The following PTCHD4 variants were observed in gnomAD, a reference collection of about 807,000 sequenced individuals.
PTCHD4 encodes the protein patched domain-containing protein 4.
PTCHD4 carries 33 observed loss-of-function variants against 58.1 expected under a neutral mutation model. That is an observed-to-expected ratio of 0.57 (90% CI 0.43 to 0.76). PTCHD4 has a LOEUF of 0.76. Ranked by LOEUF, PTCHD4 falls within the 30% of genes least tolerant of loss-of-function variation. The pLI is 0.00. For synonymous variants in PTCHD4, 478 were observed against 409.6 expected, an observed-to-expected ratio of 1.17 and a Z score of -2.02; for missense variants, 1,058 against 1,027.1, an observed-to-expected ratio of 1.03 and a Z score of -0.41.
intron 4 of PTCHD4, among the ~76,000 whole-genome samples, chr6:47,939,058 G>A (rs918708980): frequency 2.0e-5 from 3 of 152,154 alleles, no homozygotes; most frequent in Non-Finnish European, 4.4e-5. Flanking sequence ...GAAGGCATAG[G>A]TTATGGCTGT....
At chr6:47,937,845 T>G (rs527453001) in intron 4 of PTCHD4, among the ~76,000 whole-genome samples, 1 of 152,178 alleles carries the variant, frequency 6.6e-6, no homozygotes, top group South Asian at 2.1e-4. Context: ...GAAGGAGACT[T>G]GATAGGCAAG....
chr6:48,020,157 A>G (rs1241655249), intron 3 of PTCHD4, among the ~76,000 whole-genome samples: 3 of 152,140 alleles, frequency 2.0e-5, no homozygotes, highest in Non-Finnish European at 4.4e-5. Context: ...AACTCCAGGT[A>G]TGCCTTGGGG....
At chr6:47,936,433 T>C (rs1034631120) in intron 4 of PTCHD4, among the ~76,000 whole-genome samples, 1 of 152,212 alleles carries the variant, frequency 6.6e-6, no homozygotes, top group African/African-American at 2.4e-5. Context: ...TTCAAAAACA[T>C]TTCCTCAAAC....
At chr6:48,039,343 G>T (rs1455616311) in intron 3 of PTCHD4, among the ~76,000 whole-genome samples, 1 of 152,038 alleles carries the variant, frequency 6.6e-6, no homozygotes, top group African/African-American at 2.4e-5. Flanking sequence ...GGAAAAACAG[G>T]ATCATCTTAT....
chr6:48,050,591 A>C (rs1764197160), intron 3 of PTCHD4, among the ~76,000 whole-genome samples: 2 of 152,018 alleles, frequency 1.3e-5, no homozygotes, highest in African/African-American at 4.8e-5. Context: ...TAGTGCTCTA[A>C]GGGCTGTTGG....
chr6:47,879,446 A>C lies in PTCHD4; in HGVS notation c.1389T>G (p.Phe463Leu). The change falls in exon 5 of 5, where the codon TTT (phenylalanine) becomes TTG (leucine). Residue 463 changes from phenylalanine to leucine, a missense_variant. By Grantham distance (22) the Phe-to-Leu change is conservative (BLOSUM62 0). Transcript: ENST00000339488. ...CATAAATGAGATAGAGGATGACAAC[A>C]AATGGCTTCACATATATATTGGTAA... is the stretch of plus-strand genomic sequence containing the variant. ...EWITNIYVKP[F>L]VVILYLIYAS... 6.2e-7 allele frequency: 1 copy of C among 1,613,696 alleles called. No individual in the cohort carries two copies. Among genetic ancestry groups the C allele is most frequent in the Non-Finnish European group, 8.5e-7 (1 of 1,179,748 alleles).
intron 4 of PTCHD4, among the ~76,000 whole-genome samples, chr6:47,952,796 CG>C (rs1038907435): frequency 9.2e-5 from 14 of 151,962 alleles, no homozygotes; most frequent in Admixed American, 6.6e-4. Flanking sequence ...GTGCACTGTA[CG>C]GTGTTTGCAC....
chr6:48,068,529 C>A lies in PTCHD4; in HGVS notation c.118G>T (p.Val40Phe). Residue 40 changes from valine (V) to phenylalanine (F), a missense_variant, in exon 3 of 5, where the codon GTC becomes TTC. Physicochemically the swap from Val to Phe is conservative, Grantham distance 50. Coordinates refer to ENST00000339488, the MANE Select transcript of PTCHD4 (RefSeq NM_001384253.1). The surrounding 1 kb of genome is among the most constrained non-coding windows in gnomAD (Gnocchi z 4.2). ...RLGLCVSRHP[V>F]FFLTVPAVLT... ...ACTGCGGGCACGGTGAGGAAAAAGACCGGGTGCCGGCTCACGCACAAACCC... is the reference window on the plus strand; with the variant it reads ...ACTGCGGGCACGGTGAGGAAAAAGAACGGGTGCCGGCTCACGCACAAACCC... 6.2e-7 allele frequency: 1 copy of A among 1,611,096 alleles called. No homozygotes were observed. Among genetic ancestry groups the A allele is most frequent in the Non-Finnish European group, 8.5e-7 (1 of 1,179,566 alleles).
chr6:48,027,902 T>C (rs947661483), intron 3 of PTCHD4, among the ~76,000 whole-genome samples: 2 of 152,082 alleles, frequency 1.3e-5, no homozygotes, highest in African/African-American at 2.4e-5. Context: ...GTAACGTATA[T>C]AAAAAGCAGG....
chr6:48,021,771 T>C (rs929949638), intron 3 of PTCHD4, among the ~76,000 whole-genome samples: 6 of 152,192 alleles, frequency 3.9e-5, no homozygotes, highest in African/African-American at 1.4e-4. Context: ...TGCTTTGCTG[T>C]CTAAGGTTAT....
intron 3 of PTCHD4, among the ~76,000 whole-genome samples, chr6:48,019,831 T>G (rs1245632724): frequency 1.3e-5 from 2 of 152,164 alleles, no homozygotes; most frequent in African/African-American, 4.8e-5. Context: ...TAGTGGGTAC[T>G]AAGGAGGCTT....
Position 47,871,206 on chromosome 6 carries a change from G to A in PTCHD4, c.*7097C>T, listed in dbSNP as rs1415191367. ...TCTTTTCACTGATGCTAATGTTTCCGTAAGTGACTTGTGTTTTAAAAACCC... is the reference window on the plus strand; with the variant it reads ...TCTTTTCACTGATGCTAATGTTTCCATAAGTGACTTGTGTTTTAAAAACCC... On this transcript the variant is annotated 3_prime_UTR_variant, in exon 5 of 5. Coordinates refer to ENST00000339488, the MANE Select transcript of PTCHD4 (RefSeq NM_001384253.1). Among the ~76,000 whole-genome samples the A allele has an allele frequency of 1.3e-5, 2 of 151,442 alleles. No individual in the cohort carries two copies.
chr6:47,894,611 T>C (rs1296725746), intron 4 of PTCHD4, among the ~76,000 whole-genome samples: 2 of 152,272 alleles, frequency 1.3e-5, no homozygotes, highest in Admixed American at 6.5e-5. Flanking sequence ...GCCATCATTT[T>C]TATTTATGGA....
rs1259300629 is a variant in PTCHD4, at chr6:48,069,208, T to C, written c.-251A>G. On this transcript the variant is annotated 5_prime_UTR_variant, in exon 2 of 5. Transcript: ENST00000339488. ...AGCACGTTGGGGGTGGGGGGGCAGA[T>C]AAGCTTTTTTCTTTTTTTAAGATGC... 7.0e-6 allele frequency among the ~76,000 whole-genome samples: 1 copy of C among 143,128 alleles called. No homozygotes were observed. Among genetic ancestry groups the C allele is most frequent in the East Asian group, 2.1e-4 (1 of 4,824 alleles). The allele number at this position is 143,128 out of a possible 152,430, so 93.9% of individuals were successfully genotyped here.
At chr6:48,075,057 C>T (rs1030959435) in intron 1 of PTCHD4, among the ~76,000 whole-genome samples, 1 of 152,022 alleles carries the variant, frequency 6.6e-6, no homozygotes, top group Non-Finnish European at 1.5e-5. Flanking sequence ...TTCACTATAT[C>T]TTTGAGATGA....
intron 4 of PTCHD4, among the ~76,000 whole-genome samples, chr6:47,897,842 T>C (rs1764569721): frequency 6.6e-6 from 1 of 152,064 alleles, no homozygotes; most frequent in Admixed American, 6.5e-5. Flanking sequence ...TGAGAGTACA[T>C]CTCTAACTTA....
intron 1 of PTCHD4, among the ~76,000 whole-genome samples, chr6:48,072,228 G>T (rs1051467576): frequency 3.9e-5 from 6 of 152,022 alleles, no homozygotes; most frequent in African/African-American, 9.7e-5. Flanking sequence ...CAAGATATTT[G>T]TCTATTTTCT....
chr6:47,942,285 G>A (rs1270748915), intron 4 of PTCHD4, among the ~76,000 whole-genome samples: 6 of 152,144 alleles, frequency 3.9e-5, no homozygotes, highest in Non-Finnish European at 8.8e-5. Context: ...TAAGCTTATG[G>A]TCTCAGAATA....
chr6:47,925,387 T>C (rs916935338), intron 4 of PTCHD4, among the ~76,000 whole-genome samples: 2 of 152,180 alleles, frequency 1.3e-5, no homozygotes, highest in African/African-American at 4.8e-5. Flanking sequence ...ATATATGGCA[T>C]TTGTTATGGT....
Sources: allele counts gnomAD v4.1 joint callset (sites outside exome capture counted in the v4.1 genomes callset), GRCh38; gene constraint gnomAD v4.1.1; non-coding constraint Gnocchi (gnomAD v3.1); transcripts MANE v1.5; gene names NCBI Gene and HGNC (gene_info 2026-07-23, HGNC 2026-07-21).